CCDC57: variants seen among roughly 807,000 people sequenced by gnomAD.
CCDC57 encodes the protein coiled-coil domain containing 57, also known as coiled-coil domain-containing protein 57.
Under a neutral mutation model 118.9 loss-of-function variants are expected in CCDC57, and 118 were observed. The ratio of observed to expected loss-of-function variants is 0.99; its 90% confidence interval spans 0.86 to 1.16. CCDC57 has a LOEUF of 1.16. CCDC57 is among the 50% of genes most tolerant of loss of function. CCDC57 has a pLI of 0.00. For synonymous variants in CCDC57, 527 were observed against 532.9 expected (o/e 0.99, Z 0.15); for missense variants, 1,300 against 1,320.7 (o/e 0.98, Z 0.24).
chr17:82,167,264 C>A (rs1376248089), intron 13 of CCDC57, among the ~76,000 whole-genome samples: 1 of 151,956 alleles, frequency 6.6e-6, no homozygotes, highest in Admixed American at 6.6e-5. Flanking sequence ...AAGACATAAA[C>A]CTTCAGATCA....
intron 1 of CCDC57, among the ~76,000 whole-genome samples, chr17:82,208,707 T>A (rs61598510): frequency 0.047 from 7,178 of 152,092 alleles, 217 homozygotes; most frequent in African/African-American, 0.089. Context: ...ATTTTTTTTT[T>A]AAATTTCTTG....
chr17:82,203,938 A>C (rs946662368), intron 2 of CCDC57, among the ~76,000 whole-genome samples: 2 of 152,138 alleles, frequency 1.3e-5, no homozygotes, highest in South Asian at 4.1e-4. Context: ...CCCAACTCCC[A>C]GAGGGAGCGG....
intron 16 of CCDC57, among the ~76,000 whole-genome samples, chr17:82,143,437 TGAGGAAACCCCTGGAAA>T (rs1326286862): frequency 1.3e-5 from 2 of 152,106 alleles, no homozygotes; most frequent in Admixed American, 6.6e-5. Flanking sequence ...CAGCGACCTT[TGAGGAAACCCCTGGAAA>T]GGGGGAGGGG....
chr17:82,118,804 T>G lies in CCDC57; in HGVS notation c.2899+8888A>C, dbSNP rs2036259364. On this transcript the variant is annotated intron_variant, in intron 19 of 19. Transcript: ENST00000665763. This position sits in a 1 kb window ranked among gnomAD's most constrained non-coding sequence, Gnocchi z 4.7. ...CTTTCCAGTTTGATGATTTTTCAGG[T>G]AAAAACACTACCTTAGAAATCTGTG... Among the ~76,000 whole-genome samples, 1 of 151,952 alleles carries G rather than the reference T, an allele frequency of 6.6e-6. No individual in the cohort carries two copies. The highest frequency in any genetic ancestry group is 1.9e-4 in the East Asian group (1 of 5,162).
chr17:82,157,635 G>A (rs1201837158), intron 15 of CCDC57, 113 bp downstream of exon 14: 7 of 1,465,130 alleles, frequency 4.8e-6, no homozygotes, highest in African/African-American at 1.4e-5. Flanking sequence ...TGCAGCCCTC[G>A]TCCCACCTGA....
intron 14 of CCDC57, among the ~76,000 whole-genome samples, chr17:82,161,777 G>A (rs1169305058): frequency 2.0e-5 from 3 of 152,142 alleles, no homozygotes; most frequent in Non-Finnish European, 4.4e-5. Context: ...ATTGTACCGA[G>A]CTTCTATCTG....
At chr17:82,206,266 ATGT>A (rs916232027) in intron 2 of CCDC57, among the ~76,000 whole-genome samples, 54 of 152,354 alleles carry the variant, frequency 3.5e-4, no homozygotes, top group African/African-American at 1.3e-3. Flanking sequence ...GCTAACGGTG[ATGT>A]TGTAGGTTTA....
At chr17:82,163,160 G>T (rs1364749186) in intron 14 of CCDC57, 40 bp downstream of exon 13, 1 of 1,599,158 alleles carries the variant, frequency 6.3e-7, no homozygotes, top group Non-Finnish European at 8.6e-7. Context: ...CCCAGCAGCG[G>T]CTCTCTAGGA....
At chr17:82,107,431 C>T (rs1034605900) in intron 19 of CCDC57, 3 of 469,084 alleles carry the variant, frequency 6.4e-6, no homozygotes, top group African/African-American at 2.0e-5. Context: ...CCCTCCATGG[C>T]GTCTCTGCGC....
intron 16 of CCDC57, among the ~76,000 whole-genome samples, chr17:82,148,280 G>A (rs2041172720): frequency 6.8e-6 from 1 of 147,926 alleles, no homozygotes; most frequent in Admixed American, 6.7e-5. Flanking sequence ...TGGATGGATG[G>A]GTGGATGGAT....
chr17:82,118,795 T>C lies in CCDC57; in HGVS notation c.2899+8897A>G, dbSNP rs1381546577. The stretch of plus-strand genomic sequence containing the variant: ...GAAGAATATCTTTCCAGTTTGATGA[T>C]TTTTCAGGTAAAAACACTACCTTAG... On this transcript the variant is annotated intron_variant, in intron 19 of 19. Transcript: ENST00000665763. This position sits in a 1 kb window ranked among gnomAD's most constrained non-coding sequence, Gnocchi z 4.7. Among the ~76,000 whole-genome samples, 1 of 152,010 alleles carries C rather than the reference T, an allele frequency of 6.6e-6. No individual in the cohort carries two copies. The highest frequency in any genetic ancestry group is 1.5e-5 in the Non-Finnish European group (1 of 68,014).
At chr17:82,210,517 C>CA (rs763608451) in intron 1 of CCDC57, among the ~76,000 whole-genome samples, 9,377 of 130,018 alleles carry the variant, frequency 0.072, 518 homozygotes, top group African/African-American at 0.16. Flanking sequence ...ACTAAAAATA[C>CA]AAAAAAAAAA....
rs779805923 is a variant in CCDC57, at chr17:82,183,758, G to T, written c.1211+16C>A. ...TAGGAGACCCTCAATGGAAACATCT[G>T]CCTGGGGACAGTTACCTTTCAATGT... On this transcript the variant is annotated intron_variant, in intron 9 of 19. Transcript: ENST00000665763. 6.4e-7 allele frequency: 1 copy of T among 1,550,952 alleles called. No individual in the cohort carries two copies.
chr17:82,210,396 G>A (rs2050083316), intron 1 of CCDC57, among the ~76,000 whole-genome samples: 1 of 152,088 alleles, frequency 6.6e-6, no homozygotes, highest in Admixed American at 6.6e-5. Flanking sequence ...ATCTTGCTGG[G>A]CGTTGTGGCT....
At chr17:82,184,048 C>A in intron 8 of CCDC57, 116 bp from the exon 8 acceptor site, 1 of 560,978 alleles carries the variant, frequency 1.8e-6, no homozygotes, top group South Asian at 2.3e-5. Context: ...CACACACACA[C>A]ACACACACAC....
At chr17:82,120,411 A>G (rs2036519412) in intron 19 of CCDC57, among the ~76,000 whole-genome samples, 1 of 152,212 alleles carries the variant, frequency 6.6e-6, no homozygotes, top group Non-Finnish European at 1.5e-5. Context: ...TGGAGCTTTC[A>G]GACTGCTTGT....
intron 19 of CCDC57, among the ~76,000 whole-genome samples, chr17:82,103,221 G>C (rs1242118565): frequency 6.6e-6 from 1 of 152,196 alleles, no homozygotes; most frequent in Non-Finnish European, 1.5e-5. Flanking sequence ...TCCCATCTCA[G>C]CTTCTTCCAC....
chr17:82,157,619 C>A, intron 15 of CCDC57, 129 bp downstream of exon 14: 1 of 1,448,116 alleles, frequency 6.9e-7, no homozygotes, highest in Non-Finnish European at 9.1e-7. Context: ...CAGGCACGGC[C>A]TTCACTGCAG....
rs1371726958 is a variant in CCDC57, at chr17:82,172,958, C to G, written c.1507-98G>C. On this transcript the variant is annotated intron_variant, in intron 11 of 19. Transcript: ENST00000665763. This position sits in a 1 kb window ranked among gnomAD's most constrained non-coding sequence, Gnocchi z 5.2. ...CGCTCTCCCCGCGCCCCTCTCGGGC[C>G]GGTCCCCCGCTTCAGCTTGGGCTGT... The G allele has an allele frequency of 9.4e-7, 1 of 1,063,388 alleles. No individual in the cohort carries two copies. 65.9% of individuals were successfully genotyped at this position (1,063,388 alleles called of 1,614,324 possible). A position where few individuals can be genotyped will look rare whatever the true frequency, so the allele number is the denominator to read the frequency against.
Sources: allele counts gnomAD v4.1 joint callset (sites outside exome capture counted in the v4.1 genomes callset), GRCh38; gene constraint gnomAD v4.1.1; non-coding constraint Gnocchi (gnomAD v3.1); transcripts MANE v1.5; gene names NCBI Gene and HGNC (gene_info 2026-07-23, HGNC 2026-07-21).